Variants in MAP3K20 observed in about 807,000 individuals in gnomAD.
MAP3K20 encodes the protein mitogen-activated protein kinase kinase kinase 20.
In MAP3K20, 40 loss-of-function variants were observed where a neutral mutation model predicts 85.7. The observed-to-expected ratio is 0.47, with a 90% CI of 0.36 to 0.61. The LOEUF (loss-of-function observed/expected upper bound fraction) is 0.61, where lower values mean the gene tolerates loss of function less well. Ranked by LOEUF, MAP3K20 falls within the 20% of genes least tolerant of loss-of-function variation. The probability of loss-of-function intolerance (pLI) is 0.00; values close to 1 mark genes in which losing one functional copy is unlikely to be tolerated. For missense variants in MAP3K20, 817 were observed against 961.7 expected (o/e 0.85, Z 1.99); for synonymous variants, 325 against 327.7 (o/e 0.99, Z 0.09).
At chr2:173,234,023 T>C (rs950405196) in intron 14 of MAP3K20, among the ~76,000 whole-genome samples, 16 of 152,212 alleles carry the variant, frequency 1.1e-4, no homozygotes, top group African/African-American at 1.9e-4. Flanking sequence ...CTAAAAGCTA[T>C]GCTGGCTTAG....
chr2:173,207,132 A>G lies in MAP3K20; in HGVS notation c.745-2597A>G, dbSNP rs541566444. Among the ~76,000 whole-genome samples, 3 of 152,184 alleles carry G rather than the reference A, an allele frequency of 2.0e-5. No individual in the cohort carries two copies. The South Asian group carries it at 6.2e-4, about 32-fold the overall frequency. ...ACAGGTGCTCAAAATATTTTATTGA[A>G]GAGAAGGAGAAAAAAAGGAAAGGTG... On this transcript the variant is annotated intron_variant, in intron 9 of 19. Coordinates refer to ENST00000375213, the MANE Select transcript of MAP3K20 (RefSeq NM_016653.3).
chr2:173,117,346 A>T (rs1688154530), intron 2 of MAP3K20, among the ~76,000 whole-genome samples: 1 of 152,096 alleles, frequency 6.6e-6, no homozygotes, highest in Non-Finnish European at 1.5e-5. Flanking sequence ...TGGCACAATC[A>T]CGGCTCAATG....
intron 2 of MAP3K20, among the ~76,000 whole-genome samples, chr2:173,141,303 A>G (rs577218687): frequency 1.3e-5 from 2 of 152,340 alleles, no homozygotes; most frequent in South Asian, 2.1e-4. Context: ...AAGACTACAA[A>G]GCAGCTTTTA....
chr2:173,234,081 A>T (rs1462578247), intron 14 of MAP3K20, among the ~76,000 whole-genome samples: 3 of 152,220 alleles, frequency 2.0e-5, no homozygotes, highest in Admixed American at 2.0e-4. Context: ...GAGATGTTTC[A>T]GAGCTCCAAA....
At chr2:173,129,486 T>C (rs1255614118) in intron 2 of MAP3K20, among the ~76,000 whole-genome samples, 8 of 152,126 alleles carry the variant, frequency 5.3e-5, no homozygotes, top group African/African-American at 1.4e-4. Flanking sequence ...CCAGTGTCAG[T>C]GATACCAAAA....
chr2:173,144,274 T>G (rs1166329698), intron 2 of MAP3K20, among the ~76,000 whole-genome samples: 1 of 151,638 alleles, frequency 6.6e-6, no homozygotes, highest in Admixed American at 6.6e-5. Flanking sequence ...CCATCCAGGC[T>G]AACACAGTGA....
chr2:173,258,115 TG>T (rs1685200781), intron 16 of MAP3K20, among the ~76,000 whole-genome samples: 1 of 152,190 alleles, frequency 6.6e-6, no homozygotes, highest in African/African-American at 2.4e-5. Context: ...AACTGTTCTT[TG>T]GTTTCCCAGA....
At position 173,232,354 on chromosome 2, in the gene MAP3K20, C is replaced by T; in HGVS notation, c.1098C>T (p.Ser366=). The part of the protein sequence containing the change: ...DSSAEMSVYA[S]LFKENNITGK... ...CAGCAGAGATGAGTGTATATGCAAGCTTGTTTAAAGAAAACAACATTACAG... is the reference window on the plus strand; with the variant it reads ...CAGCAGAGATGAGTGTATATGCAAGTTTGTTTAAAGAAAACAACATTACAG... The change falls in exon 14 of 20, where the codon AGC becomes AGT. Residue 366 remains serine, a synonymous_variant. Coordinates refer to ENST00000375213, the MANE Select transcript of MAP3K20 (RefSeq NM_016653.3). 5 of 1,614,200 alleles carry T rather than the reference C, an allele frequency of 3.1e-6. No individual in the cohort carries two copies. The highest frequency in any genetic ancestry group is 1.1e-5 in the South Asian group (1 of 91,084).
At chr2:173,202,700 T>C (rs12693017) in intron 8 of MAP3K20, among the ~76,000 whole-genome samples, 81,364 of 152,072 alleles carry the variant, frequency 0.54, 23,462 homozygotes, top group Non-Finnish European at 0.66. Context: ...AGAGGAGATT[T>C]TGGAACAGTT....
intron 3 of MAP3K20, among the ~76,000 whole-genome samples, chr2:173,182,332 C>T (rs752529867): frequency 6.6e-6 from 1 of 152,106 alleles, no homozygotes; most frequent in African/African-American, 2.4e-5. Context: ...TAAAAATCAT[C>T]CAATAATATA....
chr2:173,176,342 A>G lies in MAP3K20; in HGVS notation c.247+6450A>G, dbSNP rs571662224. 3.9e-5 allele frequency among the ~76,000 whole-genome samples: 6 copies of G among 152,252 alleles called. No homozygotes were observed. The South Asian group carries it at 1.2e-3, about 32-fold the overall frequency. On this transcript the variant is annotated intron_variant, in intron 3 of 19. Transcript: ENST00000375213. ...TAAAAACATAACATTGTATAAAGCA[A>G]TACGTTTTTGTTCACTTTTGTTAAC...
At chr2:173,224,178 T>C (rs1388078375) in intron 11 of MAP3K20, 2 of 911,274 alleles carry the variant, frequency 2.2e-6, no homozygotes, top group Non-Finnish European at 2.6e-6. Flanking sequence ...TGGGTGGGTG[T>C]TGAGGTTTTT....
At chr2:173,226,428 C>T in intron 11 of MAP3K20, 3 of 985,456 alleles carry the variant, frequency 3.0e-6, no homozygotes, top group Non-Finnish European at 3.6e-6. Flanking sequence ...TTTCTATAAT[C>T]AGGCACCTTT....
At chr2:173,099,287 T>G (rs2106158158) in intron 2 of MAP3K20, among the ~76,000 whole-genome samples, 1 of 147,560 alleles carries the variant, frequency 6.8e-6, no homozygotes, top group East Asian at 1.9e-4. Flanking sequence ...CTTCCTTCCT[T>G]CCTTCTGTTG....
intron 1 of MAP3K20, among the ~76,000 whole-genome samples, chr2:173,076,292 A>T (rs1686858785): frequency 6.6e-6 from 1 of 151,926 alleles, no homozygotes; most frequent in Non-Finnish European, 1.5e-5. Flanking sequence ...GGCCGGTCCC[A>T]TGGAGAAGTT....
intron 2 of MAP3K20, 92 bp downstream of exon 2, chr2:173,091,282 A>G: frequency 7.4e-7 from 1 of 1,357,838 alleles, no homozygotes; most frequent in Non-Finnish European, 1.0e-6. Context: ...GCTGCAAGAG[A>G]CCTAGCAAGG....
intron 16 of MAP3K20, among the ~76,000 whole-genome samples, chr2:173,241,712 C>T (rs1333965843): frequency 6.6e-6 from 1 of 152,206 alleles, no homozygotes; most frequent in East Asian, 1.9e-4. Flanking sequence ...TTCTAGACAT[C>T]TATGCAAGAA....
chr2:173,140,813 C>T (rs574522226), intron 2 of MAP3K20, among the ~76,000 whole-genome samples: 16 of 148,048 alleles, frequency 1.1e-4, no homozygotes, highest in African/African-American at 2.3e-4. Flanking sequence ...CAAAATTATG[C>T]GGAACTAAAC....
intron 14 of MAP3K20, among the ~76,000 whole-genome samples, chr2:173,234,543 CT>C (rs1332714097): frequency 2.0e-5 from 3 of 152,178 alleles, no homozygotes; most frequent in Non-Finnish European, 4.4e-5. Context: ...AGAGGGTAAA[CT>C]TCACAGAGTG....
Sources: gnomAD v4.1 joint callset for allele counts (sites outside exome capture counted in the v4.1 genomes callset) on GRCh38, gnomAD v4.1.1 for gene constraint, MANE v1.5 for transcripts, NCBI Gene and HGNC (gene_info 2026-07-23, HGNC 2026-07-21) for gene names.